The following MGMT variants were observed in gnomAD, a reference collection of about 807,000 sequenced individuals.
The protein encoded by MGMT is methylated-DNA--protein-cysteine methyltransferase.
In MGMT, 14 loss-of-function variants were observed where a neutral mutation model predicts 15.9. The observed-to-expected ratio is 0.88, with a 90% confidence interval of 0.58 to 1.37. The LOEUF (loss-of-function observed/expected upper bound fraction) is 1.37. Among genes scored for constraint, MGMT ranks in the 40% most tolerant of loss-of-function variants. MGMT has a pLI of 0.00. For missense variants in MGMT, 282 were observed against 268.1 expected (o/e 1.05, Z -0.36); for synonymous variants, 130 against 118.2 (o/e 1.10, Z -0.65).
At chr10:129,722,090 G>A (rs1848379018) in intron 3 of MGMT, among the ~76,000 whole-genome samples, 1 of 152,010 alleles carries the variant, frequency 6.6e-6, no homozygotes. Context: ...GGAATACATT[G>A]ACAGAAAGAT....
At chr10:129,739,359 G>T (rs116725254) in intron 3 of MGMT, among the ~76,000 whole-genome samples, 8,341 of 152,236 alleles carry the variant, frequency 0.055, 311 homozygotes, top group South Asian at 0.16. Flanking sequence ...GAGGAAGTCA[G>T]TTGTCTCTGT....
intron 2 of MGMT, among the ~76,000 whole-genome samples, chr10:129,669,925 G>A (rs999249769): frequency 6.6e-5 from 10 of 152,110 alleles, no homozygotes; most frequent in Admixed American, 1.3e-4. Context: ...GCTATTTAAT[G>A]TTTGATAACA....
At chr10:129,744,193 A>G (rs1848668142) in intron 3 of MGMT, among the ~76,000 whole-genome samples, 1 of 152,166 alleles carries the variant, frequency 6.6e-6, no homozygotes, top group African/African-American at 2.4e-5. Flanking sequence ...GGGGTCAGTG[A>G]GCGCTGGGAC....
At chr10:129,673,291 T>TA (rs113701319) in intron 2 of MGMT, among the ~76,000 whole-genome samples, 193 of 148,434 alleles carry the variant, frequency 1.3e-3, no homozygotes, top group East Asian at 3.5e-3. Flanking sequence ...CATCCCAATT[T>TA]AAAAAAAAAA....
At chr10:129,597,130 G>T (rs1846760396) in intron 2 of MGMT, among the ~76,000 whole-genome samples, 1 of 152,196 alleles carries the variant, frequency 6.6e-6, no homozygotes, top group Admixed American at 6.5e-5. Context: ...CAGAGCTGGG[G>T]CGTGGAGAGG....
chr10:129,589,288 C>T (rs1391559622), intron 2 of MGMT, among the ~76,000 whole-genome samples: 4 of 152,178 alleles, frequency 2.6e-5, no homozygotes, highest in South Asian at 2.1e-4. Flanking sequence ...GGCCTCAAGC[C>T]GCCTGGCTGG....
chr10:129,511,797 A>G (rs1032126684), intron 1 of MGMT, among the ~76,000 whole-genome samples: 5 of 152,122 alleles, frequency 3.3e-5, no homozygotes, highest in Admixed American at 2.6e-4. Context: ...GAGCCCCCCT[A>G]TGCAAAGTGG....
chr10:129,467,379 G>A, intron 1 of MGMT, 83 bp downstream of exon 1: 1 of 1,396,576 alleles, frequency 7.2e-7, no homozygotes, highest in Non-Finnish European at 9.3e-7. Context: ...TCCTGCAGGC[G>A]CCCTCACTTC....
At chr10:129,590,300 A>G (rs1846667752) in intron 2 of MGMT, among the ~76,000 whole-genome samples, 1 of 152,266 alleles carries the variant, frequency 6.6e-6, no homozygotes, top group African/African-American at 2.4e-5. Flanking sequence ...CTTTGAGCAC[A>G]TTTAGTAAAC....
intron 2 of MGMT, among the ~76,000 whole-genome samples, chr10:129,670,639 A>G (rs1244627891): frequency 6.6e-6 from 1 of 152,236 alleles, no homozygotes; most frequent in Non-Finnish European, 1.5e-5. Flanking sequence ...AGAGATTACA[A>G]ATTACCCAAA....
rs571223260 is a variant in MGMT at position 129,648,185 on chromosome 10, T to C, written c.126-59710T>C. Reference sequence around the variant, plus strand: ...TTTTATTTATTACACTTTCCACCTTTTGCTGTCAAGGGAAAATATTTCATC... The same window carrying C: ...TTTTATTTATTACACTTTCCACCTTCTGCTGTCAAGGGAAAATATTTCATC... On this transcript the variant is annotated intron_variant, in intron 2 of 4. Coordinates refer to ENST00000651593, the MANE Select transcript of MGMT (RefSeq NM_002412.5). 2.6e-5 allele frequency among the ~76,000 whole-genome samples: 4 copies of C among 152,336 alleles called. No individual in the cohort carries two copies. In the East Asian group the frequency reaches 7.7e-4, roughly 29 times the overall value.
intron 2 of MGMT, among the ~76,000 whole-genome samples, chr10:129,550,044 A>G (rs140212253): frequency 5.9e-5 from 9 of 152,162 alleles, no homozygotes; most frequent in Admixed American, 2.6e-4. Context: ...GGAAGGAGAA[A>G]TCCCTTCTGC....
chr10:129,519,590 G>T (rs1485901177), intron 1 of MGMT, among the ~76,000 whole-genome samples: 1 of 152,204 alleles, frequency 6.6e-6, no homozygotes, highest in Non-Finnish European at 1.5e-5. Flanking sequence ...ACCGGAGCAT[G>T]TTGGGAACAC....
intron 2 of MGMT, among the ~76,000 whole-genome samples, chr10:129,687,837 TC>T (rs1564761587): frequency 6.6e-6 from 1 of 151,966 alleles, no homozygotes; most frequent in East Asian, 1.9e-4. Context: ...CCTAATGCTA[TC>T]CCTCCCCCAG....
intron 3 of MGMT, among the ~76,000 whole-genome samples, chr10:129,718,377 G>A (rs138895612): frequency 0.021 from 3,224 of 152,294 alleles, 54 homozygotes; most frequent in Non-Finnish European, 0.033. Context: ...AAGGGGACTA[G>A]AGAATGGCAC....
At chr10:129,486,172 CTTCTCTTTT>C (rs1845407082) in intron 1 of MGMT, among the ~76,000 whole-genome samples, 1 of 133,526 alleles carries the variant, frequency 7.5e-6, no homozygotes, top group African/African-American at 2.8e-5. Flanking sequence ...GTTCTCTTCT[CTTCTCTTTT>C]TTTTTTTTTT....
At chr10:129,718,223 C>T (rs1848322210) in intron 3 of MGMT, among the ~76,000 whole-genome samples, 1 of 152,234 alleles carries the variant, frequency 6.6e-6, no homozygotes, top group Non-Finnish European at 1.5e-5. Context: ...GCTTCATCTG[C>T]TGAATGTGCA....
chr10:129,698,700 A>G (rs543906227), intron 2 of MGMT, among the ~76,000 whole-genome samples: 53 of 152,362 alleles, frequency 3.5e-4, no homozygotes, highest in African/African-American at 1.1e-3. Context: ...AAGTTGTCAC[A>G]TCAAGTAAAA....
chr10:129,766,577 C>G (rs763474161), intron 4 of MGMT, among the ~76,000 whole-genome samples: 7 of 152,232 alleles, frequency 4.6e-5, no homozygotes, highest in Admixed American at 1.3e-4. Context: ...TCCCCCAACC[C>G]GTGCTGAGAC....
Sources: gnomAD v4.1 joint callset for allele counts (sites outside exome capture counted in the v4.1 genomes callset) on GRCh38, gnomAD v4.1.1 for gene constraint, MANE v1.5 for transcripts, NCBI Gene and HGNC (gene_info 2026-07-23, HGNC 2026-07-21) for gene names.